COP1: variants seen among roughly 807,000 people sequenced by gnomAD.
COP1 encodes COP1 E3 ubiquitin ligase, also known as E3 ubiquitin-protein ligase COP1.
In COP1, 24 loss-of-function variants were observed where a neutral mutation model predicts 101.3. The observed-to-expected ratio is 0.24, with a 90% confidence interval of 0.17 to 0.33. COP1 has a LOEUF of 0.33. COP1 is among the 10% of genes least tolerant of loss of function. The pLI is 1.00. For synonymous variants in COP1, 347 were observed against 341.9 expected (o/e 1.01, Z -0.17); for missense variants, 663 against 906.2 (o/e 0.73, Z 3.45).
intron 6 of COP1, among the ~76,000 whole-genome samples, chr1:176,145,079 C>A (rs758630689): frequency 2.0e-4 from 31 of 151,856 alleles, no homozygotes; most frequent in Non-Finnish European, 3.8e-4. Context: ...GAATGCAACC[C>A]AATTAGAGGG....
At chr1:176,108,488 T>C (rs1211525309) in intron 9 of COP1, among the ~76,000 whole-genome samples, 3 of 152,134 alleles carry the variant, frequency 2.0e-5, no homozygotes, top group South Asian at 2.1e-4. Context: ...TATTTTAGCA[T>C]TGATCACATG....
intron 15 of COP1, chr1:176,018,389 G>A (rs1666058968): frequency 6.6e-6 from 1 of 152,124 alleles, no homozygotes; most frequent in Non-Finnish European, 1.5e-5. Flanking sequence ...AGAAGTCTCA[G>A]TTAAGAAAGA....
chr1:176,079,168 C>T (rs1184678067), intron 11 of COP1, among the ~76,000 whole-genome samples: 1 of 152,030 alleles, frequency 6.6e-6, no homozygotes, highest in African/African-American at 2.4e-5. Context: ...AGTTGTTCTT[C>T]CATAAAGACA....
chr1:176,170,303 T>C (rs925332014), intron 3 of COP1, among the ~76,000 whole-genome samples: 1 of 152,228 alleles, frequency 6.6e-6, no homozygotes, highest in East Asian at 1.9e-4. Context: ...CAAAAGGTTT[T>C]CCATTTACTT....
At chr1:176,034,927 G>A (rs1007329198) in intron 14 of COP1, among the ~76,000 whole-genome samples, 1 of 152,086 alleles carries the variant, frequency 6.6e-6, no homozygotes, top group Non-Finnish European at 1.5e-5. Context: ...TAAGCCAACT[G>A]ATCACCTACT....
At chr1:176,095,648 C>T (rs1204998639) in intron 9 of COP1, among the ~76,000 whole-genome samples, 3 of 151,810 alleles carry the variant, frequency 2.0e-5, no homozygotes, top group African/African-American at 7.3e-5. Context: ...CACAGCACTC[C>T]CGCCTGGGTG....
intron 15 of COP1, among the ~76,000 whole-genome samples, chr1:175,999,208 T>G (rs1370624489): frequency 6.6e-6 from 1 of 152,130 alleles, no homozygotes; most frequent in Non-Finnish European, 1.5e-5. Context: ...TTACTCATTC[T>G]GTGTATTTTT....
rs147193166 is a variant in COP1 at position 175,953,733 on chromosome 1, G to T, written c.2134-6494C>A. Among the ~76,000 whole-genome samples, 143 of 150,034 alleles carry T rather than the reference G, an allele frequency of 9.5e-4. 1 individual carries two copies. Among genetic ancestry groups the T allele is most frequent in the African/African-American group, 3.1e-3 (127 of 40,878 alleles). ...AGAAATTTGACCAGCGATAAAGACAGGTATTTCATAATTAAATAAGGGTCA... is the reference window on the plus strand; with the variant it reads ...AGAAATTTGACCAGCGATAAAGACATGTATTTCATAATTAAATAAGGGTCA... On this transcript the variant is annotated intron_variant, in intron 18 of 19. Transcript: ENST00000367669.
chr1:176,092,451 A>G (rs1681503579), intron 9 of COP1, among the ~76,000 whole-genome samples: 1 of 152,190 alleles, frequency 6.6e-6, no homozygotes, highest in East Asian at 1.9e-4. Flanking sequence ...GAGACAAGAT[A>G]CAAACTGTAA....
In COP1 at chr1:176,120,998, G is replaced by T. The variant is rs1687027721; in HGVS notation, c.969-4317C>A. Reference sequence around the variant, plus strand: ...TGGAATTATGAATAAGAGAATCAAAGAGAGTCCAAAATGCCATGTACTCAC... The same window carrying T: ...TGGAATTATGAATAAGAGAATCAAATAGAGTCCAAAATGCCATGTACTCAC... On this transcript the variant is annotated intron_variant, in intron 8 of 19. Coordinates refer to ENST00000367669, the MANE Select transcript of COP1 (RefSeq NM_022457.7). Among the ~76,000 whole-genome samples, 3 of 151,970 alleles carry T rather than the reference G, an allele frequency of 2.0e-5. No individual in the cohort carries two copies. The South Asian group carries it at 6.2e-4, about 32-fold the overall frequency.
chr1:176,001,902 T>G (rs1173970257), intron 15 of COP1, among the ~76,000 whole-genome samples: 1 of 152,160 alleles, frequency 6.6e-6, no homozygotes, highest in African/African-American at 2.4e-5. Flanking sequence ...TTCAATACTT[T>G]AAACATATCC....
chr1:175,980,268 A>G (rs1399888754), intron 18 of COP1, among the ~76,000 whole-genome samples: 5 of 121,410 alleles, frequency 4.1e-5, no homozygotes. Flanking sequence ...TGGAGGTTAC[A>G]TGAACACAAA....
At chr1:175,997,343 G>A (rs961755975) in intron 15 of COP1, among the ~76,000 whole-genome samples, 1 of 152,058 alleles carries the variant, frequency 6.6e-6, no homozygotes, top group Admixed American at 6.6e-5. Flanking sequence ...CATGGGCAAG[G>A]ACTTCATGTC....
intron 5 of COP1, among the ~76,000 whole-genome samples, chr1:176,155,884 T>C (rs1405985701): frequency 6.6e-6 from 1 of 151,926 alleles, no homozygotes; most frequent in Admixed American, 6.6e-5. Flanking sequence ...ACCCAAAGCT[T>C]CTATATAGAG....
intron 15 of COP1, among the ~76,000 whole-genome samples, chr1:176,012,801 G>C (rs1045449541): frequency 5.9e-5 from 9 of 152,134 alleles, no homozygotes; most frequent in African/African-American, 2.2e-4. Flanking sequence ...TGTAGCCTAG[G>C]AGTATTAGGC....
chr1:176,206,284 C>T (rs1465512807), intron 1 of COP1: 3 of 434,584 alleles, frequency 6.9e-6, no homozygotes, highest in South Asian at 3.0e-5. Flanking sequence ...TTTATTTGAC[C>T]TTCCACCTCT....
At chr1:176,198,016 T>C (rs947053688) in intron 1 of COP1, among the ~76,000 whole-genome samples, 1 of 152,146 alleles carries the variant, frequency 6.6e-6, no homozygotes. Flanking sequence ...ACCTAAATAA[T>C]TGGAGAAATA....
chr1:176,111,405 T>G (rs1450899229), intron 9 of COP1, among the ~76,000 whole-genome samples: 1 of 152,024 alleles, frequency 6.6e-6, no homozygotes, highest in Non-Finnish European at 1.5e-5. Flanking sequence ...GCAATTCTCC[T>G]GCCTCAGCCT....
intron 15 of COP1, among the ~76,000 whole-genome samples, chr1:176,024,634 A>G (rs926249122): frequency 5.3e-5 from 8 of 152,228 alleles, no homozygotes; most frequent in African/African-American, 1.9e-4. Flanking sequence ...TAGCTAATAC[A>G]ATAAAGCAAA....
Sources: gnomAD v4.1 joint callset for allele counts (sites outside exome capture counted in the v4.1 genomes callset) on GRCh38, gnomAD v4.1.1 for gene constraint, MANE v1.5 for transcripts, NCBI Gene and HGNC (gene_info 2026-07-23, HGNC 2026-07-21) for gene names.